The following TSPAN18 variants were observed in gnomAD, a reference collection of about 807,000 sequenced individuals.
The protein encoded by TSPAN18 is tetraspanin-18.
TSPAN18 carries 14 observed loss-of-function variants against 27.3 expected under a neutral mutation model. The ratio of observed to expected loss-of-function variants is 0.51; its 90% CI spans 0.34 to 0.80. The LOEUF (loss-of-function observed/expected upper bound fraction) is 0.80. Among genes scored for constraint, TSPAN18 ranks in the 30% least tolerant of loss-of-function variants. The pLI, the probability that TSPAN18 is intolerant of heterozygous loss-of-function variation, is 0.01. For missense variants in TSPAN18, 268 were observed against 323.9 expected, an observed-to-expected ratio of 0.83 and a Z score of 1.32; for synonymous variants, 143 against 136.5, an observed-to-expected ratio of 1.05 and a Z score of -0.33.
chr11:44,805,961 C>G (rs1344910709), intron 2 of TSPAN18, among the ~76,000 whole-genome samples: 1 of 152,228 alleles, frequency 6.6e-6, no homozygotes, highest in East Asian at 1.9e-4. Context: ...CATTAATGAC[C>G]TCCGCAGAGA....
intron 2 of TSPAN18, among the ~76,000 whole-genome samples, chr11:44,785,046 C>T (rs925605287): frequency 5.3e-5 from 8 of 152,168 alleles, no homozygotes; most frequent in African/African-American, 1.9e-4. Flanking sequence ...TGAGACAAAG[C>T]GTGGTTCTAA....
intron 2 of TSPAN18, among the ~76,000 whole-genome samples, chr11:44,809,060 C>A (rs2135092081): frequency 1.3e-5 from 2 of 152,312 alleles, no homozygotes; most frequent in Admixed American, 1.3e-4. Flanking sequence ...AATCTTCACA[C>A]ACTGTTCACT....
intron 2 of TSPAN18, among the ~76,000 whole-genome samples, chr11:44,773,145 G>C (rs528189736): frequency 6.6e-6 from 1 of 152,040 alleles, no homozygotes; most frequent in Non-Finnish European, 1.5e-5. Flanking sequence ...GGCCAGGCGC[G>C]GTGGCTCATG....
intron 3 of TSPAN18, among the ~76,000 whole-genome samples, chr11:44,899,835 C>A (rs551530164): frequency 2.3e-4 from 35 of 152,330 alleles, no homozygotes; most frequent in South Asian, 8.3e-4. Flanking sequence ...CTGCTACTCT[C>A]CCTTCAGGGA....
At chr11:44,788,097 C>T (rs1186342219) in intron 2 of TSPAN18, among the ~76,000 whole-genome samples, 1 of 152,198 alleles carries the variant, frequency 6.6e-6, no homozygotes, top group Non-Finnish European at 1.5e-5. Context: ...GCCTTTTCCT[C>T]CATGGTTCAG....
At chr11:44,820,183 A>G (rs1307704098) in intron 2 of TSPAN18, among the ~76,000 whole-genome samples, 1 of 152,204 alleles carries the variant, frequency 6.6e-6, no homozygotes, top group Non-Finnish European at 1.5e-5. Context: ...CACTCATGAT[A>G]ACCTTGACCC....
chr11:44,921,513 A>G (rs1860134371), intron 8 of TSPAN18, among the ~76,000 whole-genome samples: 1 of 152,164 alleles, frequency 6.6e-6, no homozygotes, highest in Non-Finnish European at 1.5e-5. Flanking sequence ...GGAGGTGAGC[A>G]GAGGTGATTT....
intron 1 of TSPAN18, among the ~76,000 whole-genome samples, chr11:44,747,866 C>T (rs1404829579): frequency 1.3e-5 from 2 of 152,164 alleles, no homozygotes; most frequent in African/African-American, 4.8e-5. Flanking sequence ...ACACTGTTTC[C>T]ACTACACACA....
chr11:44,807,535 AAAAAAAAAAAAAAAAAG>A (rs1210431481), intron 2 of TSPAN18, among the ~76,000 whole-genome samples: 2 of 149,890 alleles, frequency 1.3e-5, no homozygotes, highest in African/African-American at 4.9e-5. Context: ...CTCAAAAAAA[AAAAAAAAAAAAAAAAAG>A]AAAAGAAAAA....
chr11:44,818,096 C>T (rs1227858543), intron 2 of TSPAN18, among the ~76,000 whole-genome samples: 1 of 152,212 alleles, frequency 6.6e-6, no homozygotes, highest in Non-Finnish European at 1.5e-5. Context: ...TCCCATTAGC[C>T]TTTAAGCCTG....
chr11:44,775,655 C>T (rs952159515), intron 2 of TSPAN18, among the ~76,000 whole-genome samples: 3 of 152,118 alleles, frequency 2.0e-5, no homozygotes, highest in Admixed American at 6.5e-5. Context: ...CTTTCTCCAG[C>T]GTCCGCCAGC....
At chr11:44,861,917 C>A (rs1178365653) in intron 3 of TSPAN18, among the ~76,000 whole-genome samples, 1 of 151,882 alleles carries the variant, frequency 6.6e-6, no homozygotes, top group African/African-American at 2.4e-5. Context: ...CATAAAGAGT[C>A]CCTGCACTCT....
intron 1 of TSPAN18, among the ~76,000 whole-genome samples, chr11:44,750,927 C>T (rs1264701064): frequency 6.6e-6 from 1 of 152,202 alleles, no homozygotes; most frequent in Admixed American, 6.5e-5. Context: ...AGGCTGGGGC[C>T]CTTTCCAACA....
intron 2 of TSPAN18, among the ~76,000 whole-genome samples, chr11:44,782,403 C>T (rs779051921): frequency 5.9e-5 from 9 of 151,908 alleles, no homozygotes; most frequent in Non-Finnish European, 1.3e-4. Context: ...ATTAGCTGAG[C>T]GTAGTAGTGG....
chr11:44,896,843 C>A (rs1448117541), intron 3 of TSPAN18, among the ~76,000 whole-genome samples: 2 of 152,186 alleles, frequency 1.3e-5, no homozygotes, highest in Non-Finnish European at 2.9e-5. Flanking sequence ...TTGCACCTCA[C>A]ACTCTCTGGC....
At chr11:44,927,042 C>T (rs549369213) in intron 9 of TSPAN18, among the ~76,000 whole-genome samples, 33 of 152,356 alleles carry the variant, frequency 2.2e-4, no homozygotes, top group African/African-American at 7.9e-4. Context: ...TCCCCACCTC[C>T]GCCCCAGCTC....
At chr11:44,888,801 C>T (rs902153913) in intron 3 of TSPAN18, among the ~76,000 whole-genome samples, 2 of 152,196 alleles carry the variant, frequency 1.3e-5, no homozygotes, top group Admixed American at 1.3e-4. Flanking sequence ...TCCAAGGCAG[C>T]TCTGAGACCC....
At chr11:44,802,729 T>C (rs891139660) in intron 2 of TSPAN18, among the ~76,000 whole-genome samples, 1 of 151,800 alleles carries the variant, frequency 6.6e-6, no homozygotes, top group Non-Finnish European at 1.5e-5. Context: ...GGCCTCTAGA[T>C]GAAAGGTCCA....
rs575683541 is a variant in TSPAN18, at chr11:44,808,690, G to T, written c.-153+44178G>T. Among the ~76,000 whole-genome samples the T allele has an allele frequency of 2.0e-5, 3 of 152,318 alleles. No individual in the cohort carries two copies. In the South Asian group the frequency reaches 6.2e-4, roughly 32 times the overall value. ...CTCTCTGGGGCCTGGCAGCTGTGTG[G>T]AGAAAACGATATAATTTAACGTTTC... On this transcript the variant is annotated intron_variant, in intron 2 of 9. Coordinates refer to ENST00000520358, the MANE Select transcript of TSPAN18 (RefSeq NM_130783.5).
Sources: allele counts gnomAD v4.1 joint callset (sites outside exome capture counted in the v4.1 genomes callset), GRCh38; gene constraint gnomAD v4.1.1; transcripts MANE v1.5; gene names NCBI Gene and HGNC (gene_info 2026-07-23, HGNC 2026-07-21).